RBM6: variants seen among roughly 807,000 people sequenced by gnomAD.
RBM6 encodes RNA binding motif protein 6.
A neutral mutation model predicts 140.4 loss-of-function variants in RBM6; 23 were observed. That is an observed-to-expected ratio of 0.16 (90% CI 0.12 to 0.23). The LOEUF (loss-of-function observed/expected upper bound fraction) is 0.23. Ranked by LOEUF, RBM6 falls within the 10% of genes least tolerant of loss-of-function variation. RBM6 has a pLI of 1.00. For missense variants in RBM6, 1,139 were observed against 1,386.7 expected (o/e 0.82, Z 2.84); for synonymous variants, 439 against 475.6 (o/e 0.92, Z 1.00).
intron 6 of RBM6, among the ~76,000 whole-genome samples, chr3:50,008,632 C>G (rs1341199914): frequency 7.6e-6 from 1 of 131,446 alleles, no homozygotes; most frequent in African/African-American, 2.8e-5. Context: ...GGGCTCAATG[C>G]AACCTCCACC....
chr3:49,955,860 C>CTCTG (rs1553637396), intron 1 of RBM6, among the ~76,000 whole-genome samples: 38 of 145,548 alleles, frequency 2.6e-4, no homozygotes, highest in African/African-American at 5.3e-4. Context: ...CTCTCTCTCT[C>CTCTG]TGTGTGTGTG....
At chr3:49,951,149 T>C (rs951831887) in intron 1 of RBM6, among the ~76,000 whole-genome samples, 3 of 152,152 alleles carry the variant, frequency 2.0e-5, no homozygotes, top group African/African-American at 7.2e-5. Context: ...GTAGTGAAAA[T>C]CATAGAAACA....
At chr3:50,005,594 T>C (rs1216350899) in intron 6 of RBM6, among the ~76,000 whole-genome samples, 1 of 152,116 alleles carries the variant, frequency 6.6e-6, no homozygotes, top group African/African-American at 2.4e-5. Flanking sequence ...CCTAGTTTGT[T>C]GGAAACTTAA....
chr3:49,947,672 A>T (rs2083555388), intron 1 of RBM6, among the ~76,000 whole-genome samples: 1 of 151,462 alleles, frequency 6.6e-6, no homozygotes, highest in Non-Finnish European at 1.5e-5. Flanking sequence ...AAGTCATGAA[A>T]TTTTTCCCCT....
At chr3:50,023,918 G>A (rs2087652278) in intron 6 of RBM6, among the ~76,000 whole-genome samples, 1 of 152,038 alleles carries the variant, frequency 6.6e-6, no homozygotes, top group African/African-American at 2.4e-5. Flanking sequence ...AAAGTGCTGG[G>A]ATTACAGGTG....
intron 6 of RBM6, among the ~76,000 whole-genome samples, chr3:50,003,926 CT>C (rs1400528904): frequency 2.0e-5 from 3 of 152,240 alleles, no homozygotes; most frequent in Non-Finnish European, 4.4e-5. Context: ...GTCATATGCC[CT>C]TGGCTTTCTT....
At chr3:50,029,247 G>T (rs1055001570) in intron 6 of RBM6, among the ~76,000 whole-genome samples, 1 of 152,166 alleles carries the variant, frequency 6.6e-6, no homozygotes, top group Non-Finnish European at 1.5e-5. Context: ...CAGAGAAAAG[G>T]GTCCCTTAGG....
intron 1 of RBM6, among the ~76,000 whole-genome samples, chr3:49,960,471 T>TG (rs1285859487): frequency 6.6e-6 from 1 of 152,216 alleles, no homozygotes; most frequent in Non-Finnish European, 1.5e-5. Context: ...TGATGACCTA[T>TG]GGGCTGTCTT....
intron 1 of RBM6, among the ~76,000 whole-genome samples, chr3:49,953,523 C>CT (rs796386335): frequency 0.12 from 15,555 of 130,970 alleles, 984 homozygotes; most frequent in African/African-American, 0.15. Flanking sequence ...CGAACCTGGC[C>CT]TTTTTTTTTT....
At chr3:49,962,551 A>G in intron 1 of RBM6, 25 bp from the exon 2 acceptor site, 4 of 1,143,212 alleles carry the variant, frequency 3.5e-6, no homozygotes, top group Non-Finnish European at 3.8e-6. Flanking sequence ...CTAAAGTACT[A>G]ATTTTTGTGG....
At chr3:49,976,997 A>G (rs1340779335) in intron 5 of RBM6, among the ~76,000 whole-genome samples, 1 of 152,176 alleles carries the variant, frequency 6.6e-6, no homozygotes, top group Non-Finnish European at 1.5e-5. Context: ...TGCTAGTTTC[A>G]TGTTATTTAT....
At chr3:49,952,397 C>T (rs779324135) in intron 1 of RBM6, among the ~76,000 whole-genome samples, 10 of 151,992 alleles carry the variant, frequency 6.6e-5, no homozygotes, top group Non-Finnish European at 1.3e-4. Flanking sequence ...GACTCCTGAC[C>T]TCAAGTGATC....
chr3:50,013,796 T>G (rs2086977490), intron 6 of RBM6, among the ~76,000 whole-genome samples: 1 of 152,174 alleles, frequency 6.6e-6, no homozygotes, highest in South Asian at 2.1e-4. Context: ...CTTTCCTGAG[T>G]GGCCTTAATA....
At chr3:50,032,715 G>A (rs1181945984) in intron 6 of RBM6, among the ~76,000 whole-genome samples, 6 of 152,080 alleles carry the variant, frequency 3.9e-5, no homozygotes, top group Non-Finnish European at 7.4e-5. Context: ...GGCCGGGCAC[G>A]GTGGCTCACG....
intron 8 of RBM6, among the ~76,000 whole-genome samples, chr3:50,055,141 A>G (rs914994132): frequency 1.3e-5 from 2 of 152,238 alleles, no homozygotes; most frequent in Non-Finnish European, 2.9e-5. Flanking sequence ...CAAAAGTGCA[A>G]TTTGAGCTAG....
intron 5 of RBM6, among the ~76,000 whole-genome samples, chr3:49,984,842 C>T (rs2108683882): frequency 6.6e-6 from 1 of 152,320 alleles, no homozygotes; most frequent in South Asian, 2.1e-4. Flanking sequence ...GGCATCTCAG[C>T]TAAATAGCTC....
chr3:49,947,016 G>T (rs1246888654), intron 1 of RBM6, among the ~76,000 whole-genome samples: 1 of 144,668 alleles, frequency 6.9e-6, no homozygotes, highest in Non-Finnish European at 1.5e-5. Flanking sequence ...GTCTTTTGTT[G>T]ACCATTTTAA....
At chr3:50,065,189 G>C (rs189680127) in intron 16 of RBM6, 63 bp downstream of exon 16, 34 of 1,331,506 alleles carry the variant, frequency 2.6e-5, no homozygotes, top group Middle Eastern at 1.9e-4. Flanking sequence ...GAGTAGAAGA[G>C]GAAGCGCAAA....
chr3:50,051,390 C>T (rs1053432480), intron 7 of RBM6, among the ~76,000 whole-genome samples: 1 of 152,168 alleles, frequency 6.6e-6, no homozygotes, highest in Non-Finnish European at 1.5e-5. Flanking sequence ...GCCTATAATC[C>T]CAGCACTTTG....
Sources: gnomAD v4.1 joint callset for allele counts (sites outside exome capture counted in the v4.1 genomes callset) on GRCh38, gnomAD v4.1.1 for gene constraint, MANE v1.5 for transcripts, NCBI Gene and HGNC (gene_info 2026-07-23, HGNC 2026-07-21) for gene names.